The following ABI1 variants were observed in gnomAD, a reference collection of about 807,000 sequenced individuals.
The protein encoded by ABI1 is abl interactor 1.
A neutral mutation model predicts 54.6 loss-of-function variants in ABI1; 14 were observed. The ratio of observed to expected loss-of-function variants is 0.26; its 90% CI spans 0.17 to 0.40. ABI1 has a LOEUF of 0.40. Among genes scored for constraint, ABI1 ranks in the 10% least tolerant of loss-of-function variants. The pLI is 1.00. For synonymous variants in ABI1, 194 were observed against 209.3 expected (o/e 0.93, Z 0.63); for missense variants, 443 against 598.3 (o/e 0.74, Z 2.71).
Position 26,860,783 on chromosome 10 carries a change from A to C in ABI1, c.81T>G (p.Thr27=). ...RALIESYQNL[T]RVADYCENNY... The stretch of plus-strand genomic sequence containing the variant: ...TGTTTTCACAGTAGTCTGCCACCCG[A>C]GTCAGGTTCTGGTAACTCTCGATCA... Residue 27 remains threonine, a synonymous_variant, in exon 1 of 11, where the codon ACT becomes ACG. Transcript: ENST00000376140. The surrounding 1 kb of genome is among the most constrained non-coding windows in gnomAD (Gnocchi z 4.1). The C allele has an allele frequency of 6.2e-7, 1 of 1,614,072 alleles. No homozygotes were observed.
chr10:26,857,336 A>C (rs1012720976), intron 1 of ABI1, among the ~76,000 whole-genome samples: 4 of 84,142 alleles, frequency 4.8e-5, no homozygotes, highest in Non-Finnish European at 6.6e-5. Flanking sequence ...AAAAAAAAAA[A>C]AAAAAAAAAA....
intron 1 of ABI1, among the ~76,000 whole-genome samples, chr10:26,857,333 A>C: frequency 1.2e-5 from 1 of 83,242 alleles, no homozygotes; most frequent in South Asian, 6.5e-4. Context: ...AAAAAAAAAA[A>C]AAAAAAAAAA....
chr10:26,840,362 G>A (rs2049407147), intron 1 of ABI1, among the ~76,000 whole-genome samples: 1 of 152,212 alleles, frequency 6.6e-6, no homozygotes, highest in Non-Finnish European at 1.5e-5. Context: ...CTCATCAGAA[G>A]CAGATGTTGG....
rs183589862 is a variant in ABI1 at position 26,801,936 on chromosome 10, G to A, written c.285+21202C>T. On this transcript the variant is annotated intron_variant, in intron 2 of 10. Transcript: ENST00000376140. ...TAGCTATATAATTCAAATAATAAAT[G>A]CTATGAAGGGAAAGTATAGGATGCC... is the stretch of plus-strand genomic sequence containing the variant. 5.9e-5 allele frequency among the ~76,000 whole-genome samples: 9 copies of A among 152,342 alleles called. No individual in the cohort carries two copies. In the East Asian group the frequency reaches 1.7e-3, roughly 29 times the overall value.
chr10:26,795,954 C>T lies in ABI1; in HGVS notation c.286-18713G>A, dbSNP rs1025156443. On this transcript the variant is annotated intron_variant, in intron 2 of 10. Coordinates refer to ENST00000376140, the MANE Select transcript of ABI1 (RefSeq NM_001012750.3). ...TAACCAAGGCAATACGGAGAAACTC[C>T]AGCCTGGTGACAGAGTGAGACCCAG... Among the ~76,000 whole-genome samples the T allele has an allele frequency of 2.6e-5, 4 of 152,090 alleles. No homozygotes were observed. The South Asian group carries it at 8.3e-4, about 32-fold the overall frequency.
At chr10:26,767,273 A>C (rs1840077899) in intron 6 of ABI1, among the ~76,000 whole-genome samples, 1 of 152,178 alleles carries the variant, frequency 6.6e-6, no homozygotes, top group South Asian at 2.1e-4. Context: ...TCAACTTAAC[A>C]ATTTGTTTAC....
intron 1 of ABI1, among the ~76,000 whole-genome samples, chr10:26,855,583 G>A (rs535397412): frequency 6.6e-6 from 1 of 152,316 alleles, no homozygotes; most frequent in East Asian, 1.9e-4. Flanking sequence ...CTGCAATGGA[G>A]TACGTATTCA....
chr10:26,811,644 G>A (rs910642280), intron 2 of ABI1, among the ~76,000 whole-genome samples: 2 of 151,970 alleles, frequency 1.3e-5, no homozygotes, highest in African/African-American at 4.8e-5. Flanking sequence ...TCCTTATGAT[G>A]TTAAGAATAT....
intron 8 of ABI1, among the ~76,000 whole-genome samples, chr10:26,757,715 A>G (rs1461318623): frequency 6.6e-6 from 1 of 152,148 alleles, no homozygotes; most frequent in Non-Finnish European, 1.5e-5. Context: ...ATTTCTGATA[A>G]AGTGGTTTTC....
At chr10:26,772,949 C>A (rs761106561) in intron 3 of ABI1, among the ~76,000 whole-genome samples, 1 of 151,750 alleles carries the variant, frequency 6.6e-6, no homozygotes, top group Non-Finnish European at 1.5e-5. Flanking sequence ...TAGTGGCGCA[C>A]ACCTGTAGTC....
At chr10:26,852,873 C>A (rs1376930353) in intron 1 of ABI1, among the ~76,000 whole-genome samples, 1 of 152,144 alleles carries the variant, frequency 6.6e-6, no homozygotes, top group African/African-American at 2.4e-5. Context: ...TCAGGACAAA[C>A]CTGGGCAACA....
intron 2 of ABI1, among the ~76,000 whole-genome samples, chr10:26,810,107 G>C (rs185408823): frequency 9.2e-4 from 140 of 152,260 alleles, no homozygotes; most frequent in African/African-American, 3.0e-3. Context: ...CTTGCCACTA[G>C]CACCTGAAAT....
At chr10:26,853,529 C>CTT (rs535088026) in intron 1 of ABI1, among the ~76,000 whole-genome samples, 23 of 130,836 alleles carry the variant, frequency 1.8e-4, no homozygotes, top group South Asian at 2.4e-4. Context: ...TTTTACCTTA[C>CTT]TTTTTTTTTT....
chr10:26,768,921 G>A lies in ABI1; in HGVS notation c.650C>T (p.Pro217Leu). ...PTVPNDYMTS[P>L]ARLGSQHSPG... The stretch of plus-strand genomic sequence containing the variant: ...ACTATGCTGACTTCCAAGCCTAGCA[G>A]GACTGGTCATATAGTCATTAGGAAC... Residue 217 changes from proline (P) to leucine (L), a missense_variant, in exon 6 of 11, where the codon CCT becomes CTT. Physicochemically the swap from Pro to Leu is moderately conservative, Grantham distance 98. Coordinates refer to ENST00000376140, the MANE Select transcript of ABI1 (RefSeq NM_001012750.3). The A allele has an allele frequency of 6.2e-7, 1 of 1,613,588 alleles. No homozygotes were observed.
chr10:26,781,500 C>T (rs534584728), intron 2 of ABI1, among the ~76,000 whole-genome samples: 5 of 152,194 alleles, frequency 3.3e-5, no homozygotes, highest in South Asian at 2.1e-4. Context: ...TAAGCTGAGA[C>T]GCTGTGGTGC....
At chr10:26,826,017 G>A (rs1389386665) in intron 1 of ABI1, among the ~76,000 whole-genome samples, 1 of 152,092 alleles carries the variant, frequency 6.6e-6, no homozygotes, top group African/African-American at 2.4e-5. Context: ...CCAAAATCCT[G>A]TTAATGTTGA....
intron 7 of ABI1, among the ~76,000 whole-genome samples, chr10:26,761,216 G>A (rs773840387): frequency 5.3e-5 from 8 of 151,936 alleles, no homozygotes; most frequent in Non-Finnish European, 1.2e-4. Context: ...TGGATTACAG[G>A]TGTGAGTCAC....
chr10:26,768,052 GATA>G (rs1375995149), intron 6 of ABI1, among the ~76,000 whole-genome samples: 1 of 150,768 alleles, frequency 6.6e-6, no homozygotes, highest in Non-Finnish European at 1.5e-5. Flanking sequence ...TCTCCAAAAA[GATA>G]ATAATAATAT....
chr10:26,813,252 G>A lies in ABI1; in HGVS notation c.285+9886C>T, dbSNP rs11015304. Among the ~76,000 whole-genome samples, 1,159 of 142,832 alleles carry A rather than the reference G, an allele frequency of 8.1e-3. 6 individuals are homozygous for A. The highest frequency in any genetic ancestry group is 0.012 in the Non-Finnish European group (791 of 65,672). 93.7% of individuals were successfully genotyped at this position (142,832 alleles called of 152,430 possible). A position where few individuals can be genotyped will look rare whatever the true frequency, so the allele number is the denominator to read the frequency against. On this transcript the variant is annotated intron_variant, in intron 2 of 10. Transcript: ENST00000376140. ...CCACAGAGCAAGATTCCATCCCCCC[G>A]CCAAAAAAAAAAAAATCATGAAACA...
Sources: allele counts gnomAD v4.1 joint callset (sites outside exome capture counted in the v4.1 genomes callset), GRCh38; gene constraint gnomAD v4.1.1; non-coding constraint Gnocchi (gnomAD v3.1); transcripts MANE v1.5; gene names NCBI Gene and HGNC (gene_info 2026-07-23, HGNC 2026-07-21).